The following TENM2 variants were observed in gnomAD, a reference collection of about 807,000 sequenced individuals.
TENM2 encodes the protein teneurin-2.
TENM2 carries 52 observed loss-of-function variants against 245.2 expected under a neutral mutation model. The observed-to-expected ratio is 0.21, with a 90% CI of 0.17 to 0.27. TENM2 has a LOEUF of 0.27. Ranked by LOEUF, TENM2 falls within the 10% of genes least tolerant of loss-of-function variation. TENM2 has a pLI of 1.00. For missense variants in TENM2, 3,046 were observed against 3,666.8 expected, an observed-to-expected ratio of 0.83 and a Z score of 4.37; for synonymous variants, 1,363 against 1,438.9, an observed-to-expected ratio of 0.95 and a Z score of 1.19.
intron 2 of TENM2, among the ~76,000 whole-genome samples, chr5:167,776,657 ATATATATT>A (rs1299499858): frequency 4.5e-5 from 5 of 109,928 alleles, no homozygotes; most frequent in East Asian, 3.3e-4. Flanking sequence ...ATATATATAT[ATATATATT>A]TTTCATTAAC....
rs554233675 is a variant in TENM2 at position 168,244,483 on chromosome 5, G to T, written c.5584G>T (p.Asp1862Tyr). The change falls in exon 26 of 29, where the codon GAT becomes TAT. Residue 1862 changes from aspartate (D) to tyrosine (Y), a missense_variant. By Grantham distance (160) the Asp-to-Tyr change is radical. Coordinates refer to ENST00000518659, the Ensembl canonical transcript of TENM2. The surrounding 1 kb of genome is among the most constrained non-coding windows in gnomAD (Gnocchi z 4.9). ...AAATATTCGGACTGAAAAGATCTATGATGACCACCGGAAGTTCACCCTGAG... is the reference window on the plus strand; with the variant it reads ...AAATATTCGGACTGAAAAGATCTATTATGACCACCGGAAGTTCACCCTGAG... The T allele has an allele frequency of 6.2e-7, 1 of 1,605,514 alleles. No homozygotes were observed. Among genetic ancestry groups the T allele is most frequent in the Non-Finnish European group, 8.5e-7 (1 of 1,174,568 alleles).
intron 2 of TENM2, among the ~76,000 whole-genome samples, chr5:167,601,186 T>C (rs1409113407): frequency 6.6e-6 from 1 of 152,240 alleles, no homozygotes; most frequent in Non-Finnish European, 1.5e-5. Context: ...TCTTTACTCC[T>C]GGTATAATAG....
chr5:167,948,513 T>C (rs770156981), intron 3 of TENM2, among the ~76,000 whole-genome samples: 15 of 152,336 alleles, frequency 9.8e-5, no homozygotes, highest in Middle Eastern at 3.4e-3. Context: ...CCCTGGTTTT[T>C]AGTAAAGAGC....
In TENM2 at chr5:168,247,973, C is replaced by T; in HGVS notation, c.7034C>T (p.Ser2345Leu). The T allele has an allele frequency of 6.2e-7, 1 of 1,613,996 alleles. No homozygotes were observed. Among genetic ancestry groups the T allele is most frequent in the Non-Finnish European group, 8.5e-7 (1 of 1,179,900 alleles). The change falls in exon 27 of 29, where the codon TCA becomes TTA. Residue 2345 changes from serine (S) to leucine (L), a missense_variant. Ser to Leu is a moderately radical substitution (Grantham distance 145). Around this residue, in one of 2 missense-constraint regions of TENM2, gnomAD observed 2,704 missense variants for 3,331.9 expected, o/e 0.81. Transcript: ENST00000518659. The surrounding 1 kb of genome is among the most constrained non-coding windows in gnomAD (Gnocchi z 7.8). Reference sequence around the variant, plus strand: ...AATCACTCCAACTCGGAGATTACCTCACTGTACTACGACCTCCAGGGCCAC... The same window carrying T: ...AATCACTCCAACTCGGAGATTACCTTACTGTACTACGACCTCCAGGGCCAC...
intron 2 of TENM2, among the ~76,000 whole-genome samples, chr5:167,603,405 G>A (rs865802234): frequency 2.0e-5 from 3 of 152,144 alleles, no homozygotes; most frequent in Non-Finnish European, 2.9e-5. Flanking sequence ...ATTCTTGGCT[G>A]GGCACAGTGG....
the TENM2 span, among the ~76,000 whole-genome samples, chr5:167,049,076 T>C: frequency 6.6e-6 from 1 of 152,210 alleles, no homozygotes; most frequent in Non-Finnish European, 1.5e-5. Flanking sequence ...TGTAAGTACC[T>C]GTAGTGACAA....
At chr5:167,785,752 A>T (rs1489945956) in intron 2 of TENM2, among the ~76,000 whole-genome samples, 1 of 152,200 alleles carries the variant, frequency 6.6e-6, no homozygotes, top group Non-Finnish European at 1.5e-5. Context: ...TCAGAGGTAG[A>T]ATGTTGAGCA....
chr5:167,505,217 C>A (rs945151718), intron 2 of TENM2, among the ~76,000 whole-genome samples: 1 of 151,950 alleles, frequency 6.6e-6, no homozygotes, highest in Non-Finnish European at 1.5e-5. Flanking sequence ...ATATTCAAAC[C>A]GATGTTATCA....
At chr5:168,205,868 A>T (rs1317158409) in intron 19 of TENM2, among the ~76,000 whole-genome samples, 1 of 152,170 alleles carries the variant, frequency 6.6e-6, no homozygotes, top group Admixed American at 6.5e-5. Context: ...GCTATTGTGT[A>T]TGGAGTAGAT....
intron 2 of TENM2, among the ~76,000 whole-genome samples, chr5:167,632,064 T>A (rs1778911851): frequency 6.6e-6 from 1 of 152,148 alleles, no homozygotes; most frequent in African/African-American, 2.4e-5. Flanking sequence ...AAAGTGAATG[T>A]CAGTGGGTCT....
At position 168,246,031 on chromosome 5, in the gene TENM2, G is replaced by A. The variant is rs139622474; in HGVS notation, c.5818-726G>A. 0.01 allele frequency among the ~76,000 whole-genome samples: 1,594 copies of A among 151,966 alleles called. 68 individuals carry two copies. The East Asian group carries it at 0.12, about 12-fold the overall frequency. On this transcript the variant is annotated intron_variant, in intron 26 of 28. Transcript: ENST00000518659. ...GCTGATCACTTGAGGTCAGGAGTTC[G>A]ACACCAGCCTGGCCAACATGGTGAA...
At position 167,678,501 on chromosome 5, in the gene TENM2, G is replaced by A. The variant is rs561209785; in HGVS notation, c.503-197485G>A. Among the ~76,000 whole-genome samples, 4 of 152,090 alleles carry A rather than the reference G, an allele frequency of 2.6e-5. No homozygotes were observed. The East Asian group carries it at 5.8e-4, about 22-fold the overall frequency. On this transcript the variant is annotated intron_variant, in intron 2 of 28. Coordinates refer to ENST00000518659, the Ensembl canonical transcript of TENM2. ...CTTTTCTTCCCTCTGTCCTCCCACCGGAGTCTGTGTTTCTGTCACAGCACT... is the reference window on the plus strand; with the variant it reads ...CTTTTCTTCCCTCTGTCCTCCCACCAGAGTCTGTGTTTCTGTCACAGCACT...
At chr5:167,238,364 C>T in the TENM2 span, among the ~76,000 whole-genome samples, 7 of 152,074 alleles carry the variant, frequency 4.6e-5, no homozygotes, top group African/African-American at 7.2e-5. Context: ...ATAGAAGAGA[C>T]ATTTTGAGGC....
intron 3 of TENM2, among the ~76,000 whole-genome samples, chr5:167,926,282 C>G (rs1011220938): frequency 6.6e-6 from 1 of 152,132 alleles, no homozygotes; most frequent in Non-Finnish European, 1.5e-5. Context: ...TTGAATTCCT[C>G]TCTGTTGTTT....
intron 2 of TENM2, among the ~76,000 whole-genome samples, chr5:167,492,610 G>A (rs1003644189): frequency 5.3e-5 from 8 of 151,882 alleles, no homozygotes; most frequent in Admixed American, 3.3e-4. Context: ...AATTTATATG[G>A]CAATTTTTAA....
intron 5 of TENM2, among the ~76,000 whole-genome samples, chr5:168,047,198 A>G (rs1452898706): frequency 6.6e-6 from 1 of 151,998 alleles, no homozygotes; most frequent in African/African-American, 2.4e-5. Flanking sequence ...CGCTCACTGT[A>G]AGGGATCCTC....
the TENM2 span, among the ~76,000 whole-genome samples, chr5:167,128,762 A>G: frequency 1.8e-4 from 27 of 152,256 alleles, no homozygotes; most frequent in Non-Finnish European, 3.7e-4. Context: ...TGCTTGTTGC[A>G]TGCCCATCTA....
intron 2 of TENM2, among the ~76,000 whole-genome samples, chr5:167,547,532 A>G (rs760960704): frequency 2.8e-4 from 42 of 152,336 alleles, no homozygotes; most frequent in Admixed American, 1.2e-3. Context: ...TTTCTTTTTA[A>G]TCATAATGGA....
chr5:167,359,489 G>A (rs1432109580), intron 1 of TENM2, among the ~76,000 whole-genome samples: 2 of 151,592 alleles, frequency 1.3e-5, no homozygotes, highest in Non-Finnish European at 2.9e-5. Context: ...ATTCATGAAT[G>A]GCCTTGCACT....
Sources: gnomAD v4.1 joint callset for allele counts (sites outside exome capture counted in the v4.1 genomes callset) on GRCh38, gnomAD v4.1.1 for gene constraint, gnomAD v4.1.1 regional missense constraint, Gnocchi (gnomAD v3.1) non-coding constraint, MANE v1.5 for transcripts, NCBI Gene and HGNC (gene_info 2026-07-23, HGNC 2026-07-21) for gene names.